Variants in RAI1 observed in about 807,000 individuals in gnomAD.
The protein encoded by RAI1 is retinoic acid-induced protein 1.
RAI1 carries 9 observed loss-of-function variants against 123.8 expected under a neutral mutation model. The observed-to-expected ratio is 0.07, with a 90% CI of 0.04 to 0.13. The LOEUF (loss-of-function observed/expected upper bound fraction) is 0.13. RAI1 is among the 10% of genes least tolerant of loss of function. The probability of loss-of-function intolerance (pLI) is 1.00; values close to 1 mark genes in which losing one functional copy is unlikely to be tolerated. For synonymous variants in RAI1, 1,231 were observed against 1,127.3 expected (o/e 1.09, Z -1.84); for missense variants, 2,256 against 2,545.8 (o/e 0.89, Z 2.45).
intron 2 of RAI1, among the ~76,000 whole-genome samples, chr17:17,737,879 TCTTC>T (rs1269114010): frequency 6.6e-6 from 1 of 152,224 alleles, no homozygotes; most frequent in Non-Finnish European, 1.5e-5. Context: ...TAATTATTTC[TCTTC>T]CTTAATTGAA....
intron 1 of RAI1, among the ~76,000 whole-genome samples, chr17:17,690,345 G>A (rs1190746603): frequency 4.6e-5 from 7 of 150,682 alleles, no homozygotes; most frequent in African/African-American, 1.7e-4. Context: ...CAAGATGATC[G>A]TACCACTGTA....
chr17:17,807,104 TGAG>T (rs2032608949), intron 4 of RAI1, among the ~76,000 whole-genome samples: 2 of 151,950 alleles, frequency 1.3e-5, no homozygotes, highest in African/African-American at 4.8e-5. Flanking sequence ...AACAGCTGGC[TGAG>T]GAGGAGGGTG....
intron 1 of RAI1, among the ~76,000 whole-genome samples, 192 bp downstream of exon 1, chr17:17,681,985 G>T (rs920488273): frequency 7.9e-5 from 12 of 151,438 alleles, no homozygotes; most frequent in Admixed American, 6.5e-4. Flanking sequence ...CGAGGTCACC[G>T]GATGGACGTC....
chr17:17,691,974 C>G (rs905623261), intron 1 of RAI1, among the ~76,000 whole-genome samples: 10 of 152,190 alleles, frequency 6.6e-5, no homozygotes, highest in African/African-American at 2.4e-4. Context: ...GGGAAGTAAT[C>G]TGGTTTATGA....
intron 1 of RAI1, among the ~76,000 whole-genome samples, chr17:17,705,213 C>T (rs1298458625): frequency 6.6e-6 from 1 of 152,196 alleles, no homozygotes; most frequent in East Asian, 1.9e-4. Flanking sequence ...AGAACAACAG[C>T]CATGGAGGAG....
chr17:17,778,750 C>G (rs567441382), intron 2 of RAI1: 10 of 456,624 alleles, frequency 2.2e-5, no homozygotes, highest in African/African-American at 1.8e-4. Context: ...GAGAGCCCGC[C>G]AAGAGGGATT....
In RAI1 at chr17:17,809,175, G is replaced by A. The variant is rs1296467859; in HGVS notation, c.5660-215G>A. On this transcript the variant is annotated intron_variant, in intron 4 of 5. Transcript: ENST00000353383. This position sits in a 1 kb window ranked among gnomAD's most constrained non-coding sequence, Gnocchi z 4.9. ...AAAAGCTCTCCGCGGAGGAGGTGAG[G>A]TGAGTCAAGACTGCCAGGCCAGGGG... The A allele has an allele frequency of 4.6e-6, 3 of 652,896 alleles. No individual in the cohort carries two copies. The highest frequency in any genetic ancestry group is 2.5e-4 in the Middle Eastern group (1 of 3,996). The allele number at this position is 652,896 out of a possible 1,614,324, so 40.4% of individuals were successfully genotyped here. A position where few individuals can be genotyped will look rare whatever the true frequency, so the allele number is the denominator to read the frequency against.
chr17:17,710,460 T>A (rs542445628), intron 1 of RAI1, among the ~76,000 whole-genome samples: 56 of 152,270 alleles, frequency 3.7e-4, no homozygotes, highest in African/African-American at 1.3e-3. Flanking sequence ...CACCCCAGAG[T>A]ACAGGGGGCT....
intron 2 of RAI1, among the ~76,000 whole-genome samples, chr17:17,780,597 T>C (rs2142997952): frequency 6.6e-6 from 1 of 152,326 alleles, no homozygotes; most frequent in South Asian, 2.1e-4. Context: ...GGAGCTCAGT[T>C]TGCATGTCTG....
intron 1 of RAI1, among the ~76,000 whole-genome samples, chr17:17,703,875 G>T (rs879237503): frequency 1.3e-5 from 2 of 152,208 alleles, no homozygotes; most frequent in Non-Finnish European, 1.5e-5. Context: ...ACCTTCGTCT[G>T]GCTTCCCAGA....
At chr17:17,769,643 G>C (rs573910055) in intron 2 of RAI1, among the ~76,000 whole-genome samples, 38 of 152,300 alleles carry the variant, frequency 2.5e-4, no homozygotes, top group African/African-American at 8.9e-4. Flanking sequence ...ACCTGTGGCA[G>C]TGAGGATGGG....
chr17:17,717,901 G>C (rs564461690), intron 1 of RAI1, among the ~76,000 whole-genome samples: 2 of 152,300 alleles, frequency 1.3e-5, no homozygotes, highest in East Asian at 3.9e-4. Context: ...CTTAGACTCG[G>C]ATTCTGCCCT....
intron 1 of RAI1, among the ~76,000 whole-genome samples, chr17:17,692,630 T>C (rs1914879758): frequency 6.6e-6 from 1 of 152,246 alleles, no homozygotes; most frequent in Non-Finnish European, 1.5e-5. Flanking sequence ...AGCTAATTCC[T>C]GGCTATGAAA....
chr17:17,770,553 A>C (rs1372296119), intron 2 of RAI1, among the ~76,000 whole-genome samples: 1 of 149,696 alleles, frequency 6.7e-6, no homozygotes, highest in Non-Finnish European at 1.5e-5. Flanking sequence ...CCAGTCGCAC[A>C]CTGACCCTAG....
At chr17:17,692,893 G>A (rs1263569568) in intron 1 of RAI1, among the ~76,000 whole-genome samples, 1 of 152,222 alleles carries the variant, frequency 6.6e-6, no homozygotes, top group Non-Finnish European at 1.5e-5. Context: ...AGAGTCCTAG[G>A]TAGAGGGAGC....
At chr17:17,727,338 G>A (rs933780010) in intron 2 of RAI1, among the ~76,000 whole-genome samples, 21 of 152,254 alleles carry the variant, frequency 1.4e-4, no homozygotes, top group South Asian at 2.1e-4. Context: ...GGGCTATGCA[G>A]CAGCGAAGAC....
chr17:17,705,356 G>A (rs1486118353), intron 1 of RAI1, among the ~76,000 whole-genome samples: 10 of 152,178 alleles, frequency 6.6e-5, no homozygotes, highest in African/African-American at 1.9e-4. Context: ...TTGGCTGGGT[G>A]CAGTGGGTCA....
chr17:17,783,399 C>T (rs781054122), intron 2 of RAI1, among the ~76,000 whole-genome samples: 50 of 151,610 alleles, frequency 3.3e-4, no homozygotes, highest in Non-Finnish European at 5.6e-4. Flanking sequence ...GCGCAGAGGC[C>T]GGGAAACAAG....
Position 17,810,041 on chromosome 17 carries a change from G to A in RAI1, c.*60G>A. On this transcript the variant is annotated 3_prime_UTR_variant, in exon 6 of 6. Coordinates refer to ENST00000353383, the MANE Select transcript of RAI1 (RefSeq NM_030665.4). The surrounding 1 kb of genome is among the most constrained non-coding windows in gnomAD (Gnocchi z 4.6). Reference sequence around the variant, plus strand: ...CCCGCCTGCCCGCCCGCCGCCGAAGGAGAGGAGCCGCCTGCGCAGCCCCCG... The same window carrying A: ...CCCGCCTGCCCGCCCGCCGCCGAAGAAGAGGAGCCGCCTGCGCAGCCCCCG... 1 of 1,541,348 alleles carries A rather than the reference G, an allele frequency of 6.5e-7. No individual in the cohort carries two copies. The highest frequency in any genetic ancestry group is 2.5e-5 in the East Asian group (1 of 40,724).
Sources: gnomAD v4.1 joint callset for allele counts (sites outside exome capture counted in the v4.1 genomes callset) on GRCh38, gnomAD v4.1.1 for gene constraint, Gnocchi (gnomAD v3.1) non-coding constraint, MANE v1.5 for transcripts, NCBI Gene and HGNC (gene_info 2026-07-23, HGNC 2026-07-21) for gene names.